The following MTPAP variants were observed in gnomAD, a reference collection of about 807,000 sequenced individuals.
The protein encoded by MTPAP is mitochondrial poly(A) polymerase.
Under a neutral mutation model 48.7 loss-of-function variants are expected in MTPAP, and 23 were observed. The observed-to-expected ratio is 0.47, with a 90% CI of 0.34 to 0.67. MTPAP has a LOEUF of 0.67. Among genes scored for constraint, MTPAP ranks in the 30% least tolerant of loss-of-function variants. The probability of loss-of-function intolerance (pLI) is 0.01; values close to 1 mark genes in which losing one functional copy is unlikely to be tolerated. For missense variants in MTPAP, 614 were observed against 694.3 expected (o/e 0.88, Z 1.30); for synonymous variants, 257 against 254.1 (o/e 1.01, Z -0.11).
chr10:30,347,625 C>T (rs1306373170), intron 1 of MTPAP, among the ~76,000 whole-genome samples: 1 of 152,232 alleles, frequency 6.6e-6, no homozygotes, highest in African/African-American at 2.4e-5. Flanking sequence ...GGCGCGGTGG[C>T]TCACGCCTGT....
intron 3 of MTPAP, among the ~76,000 whole-genome samples, chr10:30,339,480 C>CAAAA (rs34169013): frequency 1.2e-4 from 11 of 92,268 alleles, no homozygotes; most frequent in African/African-American, 4.0e-4. Flanking sequence ...GACTCCATCT[C>CAAAA]AAAAAAAAAA....
Position 30,311,352 on chromosome 10 carries a change from T to C in MTPAP, c.*2257A>G, listed in dbSNP as rs1024710375. 1 of 152,148 alleles carries C rather than the reference T, an allele frequency of 6.6e-6. No homozygotes were observed. Among genetic ancestry groups the C allele is most frequent in the Non-Finnish European group, 1.5e-5 (1 of 68,024 alleles). 9.4% of individuals were successfully genotyped at this position (152,148 alleles called of 1,614,324 possible). ...ATGCTGAGTTTCTTAAAATATCCCA[T>C]GCAGAACCCATTATAATTTCTGACA... On this transcript the variant is annotated 3_prime_UTR_variant, in exon 9 of 9. Coordinates refer to ENST00000263063, the MANE Select transcript of MTPAP (RefSeq NM_018109.4).
rs1482437409 is a variant in MTPAP, at chr10:30,349,175, C to T, written c.101G>A (p.Gly34Glu). Residue 34 changes from glycine (G) to glutamate (E), a missense_variant, in exon 1 of 9, where the codon GGA (glycine) becomes GAA (glutamate). Physicochemically the swap from Gly to Glu is moderately conservative, Grantham distance 98 (BLOSUM62 -2). Coordinates refer to ENST00000263063, the MANE Select transcript of MTPAP (RefSeq NM_018109.4). ...TCTCCTAAGGTCTTTGGCCACAGTT[C>T]CTGGGCAACTCAAAAGCCTGACGAT... ...RPIVRLLSCP[G>E]TVAKDLRRDE... 8.7e-6 allele frequency: 14 copies of T among 1,612,218 alleles called. No individual in the cohort carries two copies. The highest frequency in any genetic ancestry group is 1.2e-5 in the Non-Finnish European group (14 of 1,179,336).
intron 5 of MTPAP, 81 bp from the exon 6 acceptor site, chr10:30,322,698 A>T: frequency 1.1e-6 from 1 of 916,718 alleles, no homozygotes; most frequent in South Asian, 1.4e-5. Flanking sequence ...ACCAAGAAAC[A>T]CATCTAAATA....
At chr10:30,327,230 G>A (rs1031871260) in intron 4 of MTPAP, among the ~76,000 whole-genome samples, 9 of 151,794 alleles carry the variant, frequency 5.9e-5, no homozygotes, top group Admixed American at 5.9e-4. Context: ...GCTCACGTCT[G>A]TAATCCTAGC....
chr10:30,316,434 G>C (rs1840663318), intron 6 of MTPAP, among the ~76,000 whole-genome samples: 1 of 150,908 alleles, frequency 6.6e-6, no homozygotes, highest in Non-Finnish European at 1.5e-5. Flanking sequence ...ATAGGGATGG[G>C]GTTTTACCAT....
intron 6 of MTPAP, among the ~76,000 whole-genome samples, chr10:30,317,120 G>C (rs1360062955): frequency 6.6e-6 from 1 of 151,890 alleles, no homozygotes; most frequent in Admixed American, 6.6e-5. Flanking sequence ...TTTGAGACTA[G>C]TTATGCCACA....
chr10:30,340,123 T>G (rs1834781454), intron 3 of MTPAP, 103 bp downstream of exon 3: 1 of 973,662 alleles, frequency 1.0e-6, no homozygotes, highest in African/African-American at 1.6e-5. Context: ...ACTGAAGATC[T>G]ATACCCATTA....
At chr10:30,326,373 C>T in intron 5 of MTPAP, 51 bp downstream of exon 5, 1 of 1,492,300 alleles carries the variant, frequency 6.7e-7, no homozygotes, top group Non-Finnish European at 9.3e-7. Context: ...AAACACTAAG[C>T]TAATATATCA....
chr10:30,348,091 C>G (rs1399008191), intron 1 of MTPAP, among the ~76,000 whole-genome samples: 2 of 152,180 alleles, frequency 1.3e-5, no homozygotes, highest in East Asian at 3.8e-4. Context: ...AATTTAAACA[C>G]CCATACAAAT....
intron 6 of MTPAP, among the ~76,000 whole-genome samples, chr10:30,319,065 T>A (rs639738): frequency 1.0e-4 from 15 of 144,270 alleles, no homozygotes; most frequent in African/African-American, 3.8e-4. Context: ...GCGGGGTGGC[T>A]GGGAGGGGGA....
chr10:30,339,607 G>A (rs188635043), intron 3 of MTPAP, among the ~76,000 whole-genome samples: 8 of 152,092 alleles, frequency 5.3e-5, no homozygotes, highest in African/African-American at 1.2e-4. Context: ...TCAAAAGGCC[G>A]AAAACTTCAG....
chr10:30,345,082 G>A (rs985904620), intron 1 of MTPAP, among the ~76,000 whole-genome samples: 1 of 152,156 alleles, frequency 6.6e-6, no homozygotes, highest in East Asian at 1.9e-4. Context: ...CCATTAAGTT[G>A]TGGTACTTAC....
intron 5 of MTPAP, among the ~76,000 whole-genome samples, chr10:30,324,281 AG>A (rs1834553999): frequency 6.6e-6 from 1 of 152,188 alleles, no homozygotes; most frequent in Admixed American, 6.5e-5. Context: ...ATTTCAAAGC[AG>A]GAGGATGACT....
intron 1 of MTPAP, among the ~76,000 whole-genome samples, chr10:30,343,400 T>G (rs376010074): frequency 0.015 from 2,180 of 142,208 alleles, 52 homozygotes; most frequent in African/African-American, 0.057. Context: ...AGAGGGAGAC[T>G]GTCTCAAAAA....
intron 5 of MTPAP, among the ~76,000 whole-genome samples, chr10:30,325,746 T>A (rs2132853490): frequency 6.6e-6 from 1 of 152,062 alleles, no homozygotes; most frequent in African/African-American, 2.4e-5. Context: ...TAAGACTCCG[T>A]CTCAAAAGTA....
At chr10:30,322,717 T>C in intron 5 of MTPAP, 100 bp from the exon 6 acceptor site, 1 of 802,080 alleles carries the variant, frequency 1.2e-6, no homozygotes, top group Non-Finnish European at 2.1e-6. Context: ...TATCCTACTA[T>C]ATCTGAATGT....
At chr10:30,315,066 T>C (rs1840645385) in intron 8 of MTPAP, among the ~76,000 whole-genome samples, 1 of 152,188 alleles carries the variant, frequency 6.6e-6, no homozygotes, top group African/African-American at 2.4e-5. Flanking sequence ...GCAGCTGTTA[T>C]ATTCCCTAAC....
At chr10:30,340,151 A>C (rs889444830) in intron 3 of MTPAP, 75 bp downstream of exon 3, 1 of 1,224,276 alleles carries the variant, frequency 8.2e-7, no homozygotes, top group Non-Finnish European at 1.2e-6. Context: ...ATGTAGCTTG[A>C]ACATTTTACA....
Sources: gnomAD v4.1 joint callset for allele counts (sites outside exome capture counted in the v4.1 genomes callset) on GRCh38, gnomAD v4.1.1 for gene constraint, MANE v1.5 for transcripts, NCBI Gene and HGNC (gene_info 2026-07-23, HGNC 2026-07-21) for gene names.